The following CPNE9 variants were observed in gnomAD, a reference collection of about 807,000 sequenced individuals.
CPNE9 encodes the protein copine family member 9.
Under a neutral mutation model 83.0 loss-of-function variants are expected in CPNE9, and 59 were observed. The observed-to-expected ratio is 0.71, with a 90% confidence interval of 0.58 to 0.88. CPNE9 has a LOEUF of 0.88. CPNE9 is among the 40% of genes least tolerant of loss of function. The probability of loss-of-function intolerance (pLI) is 0.00; values close to 1 mark genes in which losing one functional copy is unlikely to be tolerated. For missense variants in CPNE9, 619 were observed against 720.8 expected, an observed-to-expected ratio of 0.86 and a Z score of 1.62; for synonymous variants, 256 against 273.4, an observed-to-expected ratio of 0.94 and a Z score of 0.63.
At chr3:9,727,274 A>G in intron 20 of CPNE9, 88 bp downstream of exon 20, 1 of 1,349,994 alleles carries the variant, frequency 7.4e-7, no homozygotes, top group South Asian at 1.2e-5. Context: ...CTGCCTTCTC[A>G]GTCTCCTACT....
intron 7 of CPNE9, among the ~76,000 whole-genome samples, chr3:9,706,568 T>C (rs2076566718): frequency 6.6e-6 from 1 of 152,238 alleles, no homozygotes; most frequent in Non-Finnish European, 1.5e-5. Flanking sequence ...ACAAAGGTTC[T>C]TGTCCTCAGG....
At position 9,704,734 on chromosome 3, in the gene CPNE9, C is replaced by G. The variant is rs1053600189; in HGVS notation, c.110-15C>G. On this transcript the variant is annotated splice_polypyrimidine_tract_variant and intron_variant, in intron 2 of 20. Transcript: ENST00000383832. This position sits in a 1 kb window ranked among gnomAD's most constrained non-coding sequence, Gnocchi z 7.1. ...AGCCGACCTGACGTCCTTCCCTCCC[C>G]GCCCCCACCTGCAGTGGTGGTGCTT... 2.5e-6 allele frequency: 4 copies of G among 1,612,418 alleles called. No individual in the cohort carries two copies. Among genetic ancestry groups the G allele is most frequent in the Non-Finnish European group, 3.4e-6 (4 of 1,179,634 alleles).
intron 4 of CPNE9, 29 bp from the exon 5 acceptor site, chr3:9,705,435 A>T: frequency 2.8e-6 from 1 of 355,488 alleles, no homozygotes; most frequent in Non-Finnish European, 4.3e-6. Flanking sequence ...ACCCAGCCCC[A>T]CCCCACACCG....
chr3:9,712,033 C>T (rs955769935), intron 7 of CPNE9, among the ~76,000 whole-genome samples: 1 of 152,144 alleles, frequency 6.6e-6, no homozygotes, highest in South Asian at 2.1e-4. Flanking sequence ...CTAGCAGAGC[C>T]GGAGAGAGCC....
At position 9,705,732 on chromosome 3, in the gene CPNE9, TG is replaced by T; in HGVS notation, c.300+16del. 6.2e-7 allele frequency: 1 copy of T among 1,610,148 alleles called. No homozygotes were observed. The highest frequency in any genetic ancestry group is 8.5e-7 in the Non-Finnish European group (1 of 1,176,508). ...GGGACCTGCAGAAGGTGAGGCTGAA[TG>T]GGGCTGGGCAGAGGTTGGGGGTGGG... On this transcript the variant is annotated intron_variant, in intron 6 of 20. Transcript: ENST00000383832.
intron 17 of CPNE9, among the ~76,000 whole-genome samples, chr3:9,720,920 C>T (rs1366745953): frequency 2.6e-5 from 4 of 152,284 alleles, no homozygotes; most frequent in African/African-American, 4.8e-5. Context: ...CCTCTCTGCG[C>T]CTTATTCCTC....
intron 10 of CPNE9, among the ~76,000 whole-genome samples, chr3:9,713,484 G>T (rs2076649845): frequency 6.6e-6 from 1 of 152,154 alleles, no homozygotes; most frequent in South Asian, 2.1e-4. Flanking sequence ...TGGACTGATG[G>T]GTGGGTTTGT....
rs200361798 is a variant in CPNE9, at chr3:9,729,539, G to A, written c.1509G>A (p.Ser503=). Residue 503 remains serine, a synonymous_variant, in exon 21 of 21, where the codon TCG becomes TCA. Coordinates refer to ENST00000383832, the MANE Select transcript of CPNE9 (RefSeq NM_153635.3). The part of the protein sequence containing the change: ...FVPFRDYVDR[S]GNQVLSMARL... Reference sequence around the variant, plus strand: ...CATTCCGAGACTATGTTGACCGGTCGGGGAACCAGGTGTTGAGCATGGCCC... The same window carrying A: ...CATTCCGAGACTATGTTGACCGGTCAGGGAACCAGGTGTTGAGCATGGCCC... 339 of 1,613,974 alleles carry A rather than the reference G, an allele frequency of 2.1e-4. 1 individual carries two copies. The highest frequency in any genetic ancestry group is 2.5e-4 in the Admixed American group (15 of 60,008).
At chr3:9,726,826 C>G in intron 19 of CPNE9, 104 bp downstream of exon 19, 1 of 1,042,072 alleles carries the variant, frequency 9.6e-7, no homozygotes, top group Admixed American at 1.9e-5. Context: ...AGGTAGACAC[C>G]CCCGTGTGAA....
intron 5 of CPNE9, 51 bp downstream of exon 5, chr3:9,705,551 ATG>A (rs1476637577): frequency 1.3e-6 from 2 of 1,599,706 alleles, no homozygotes; most frequent in African/African-American, 2.7e-5. Context: ...AGGCACTTAG[ATG>A]TGTTCAACGA....
At chr3:9,707,422 A>C (rs2076575840) in intron 7 of CPNE9, among the ~76,000 whole-genome samples, 1 of 151,680 alleles carries the variant, frequency 6.6e-6, no homozygotes, top group African/African-American at 2.4e-5. Context: ...GCCAATGAGA[A>C]GACTCTGACA....
At chr3:9,720,042 C>G (rs895544514) in intron 17 of CPNE9, among the ~76,000 whole-genome samples, 1 of 149,850 alleles carries the variant, frequency 6.7e-6, no homozygotes, top group Non-Finnish European at 1.5e-5. Context: ...CACACACAAA[C>G]CAAAGAAAAC....
At chr3:9,707,680 G>T (rs529107608) in intron 7 of CPNE9, among the ~76,000 whole-genome samples, 1 of 151,026 alleles carries the variant, frequency 6.6e-6, no homozygotes, top group African/African-American at 2.4e-5. Context: ...AGCTACTTGG[G>T]AGGCTGAGGT....
At chr3:9,725,840 C>T (rs1227230741) in intron 17 of CPNE9, 109 bp from the exon 18 acceptor site, 2 of 814,596 alleles carry the variant, frequency 2.5e-6, no homozygotes, top group East Asian at 2.5e-5. Context: ...GTTTCAGAAG[C>T]CCCAGTTCCT....
intron 4 of CPNE9, 39 bp from the exon 5 acceptor site, chr3:9,705,425 A>AC: frequency 2.1e-4 from 63 of 303,248 alleles, no homozygotes; most frequent in South Asian, 1.2e-3. Flanking sequence ...CCTCTCCCCC[A>AC]CCCAGCCCCA....
rs962413213 is a variant in CPNE9 at position 9,715,602 on chromosome 3, C to T, written c.822+76C>T. 10 of 1,280,290 alleles carry T rather than the reference C, an allele frequency of 7.8e-6. No individual in the cohort carries two copies. The African/African-American group carries it at 8.8e-5, about 11-fold the overall frequency. 79.3% of individuals were successfully genotyped at this position (1,280,290 alleles called of 1,614,324 possible). On this transcript the variant is annotated intron_variant, in intron 13 of 20. Coordinates refer to ENST00000383832, the MANE Select transcript of CPNE9 (RefSeq NM_153635.3). ...CCCATTGACACAGCATGGCAAATAT[C>T]GAGGGCAGGGCAAGACAGTGGGCAC...
rs374068971 is a variant in CPNE9, at chr3:9,715,544, C to T, written c.822+18C>T. The T allele has an allele frequency of 5.6e-6, 9 of 1,606,910 alleles. No individual in the cohort carries two copies. In the African/African-American group the frequency reaches 1.1e-4, roughly 19 times the overall value. Reference sequence around the variant, plus strand: ...CAGGAACTGTGAGTGCTCCCTAGAGCCGTGGCCCTCCCTGGATCCTTCCGT... The same window carrying T: ...CAGGAACTGTGAGTGCTCCCTAGAGTCGTGGCCCTCCCTGGATCCTTCCGT... On this transcript the variant is annotated intron_variant, in intron 13 of 20. Coordinates refer to ENST00000383832, the MANE Select transcript of CPNE9 (RefSeq NM_153635.3).
In CPNE9 at chr3:9,703,979, C is replaced by G. The variant is rs1486378798; in HGVS notation, c.-18C>G. 1 of 1,593,456 alleles carries G rather than the reference C, an allele frequency of 6.3e-7. No individual in the cohort carries two copies. Among genetic ancestry groups the G allele is most frequent in the East Asian group, 2.3e-5 (1 of 43,974 alleles). On this transcript the variant is annotated 5_prime_UTR_variant, in exon 1 of 21. Transcript: ENST00000383832. ...CCTGGTCTCGCAGCCTCCTGCGGCT[C>G]TGGTCGCCCGACCAGCCATGTCTCT...
At chr3:9,721,403 G>C (rs1303524448) in intron 17 of CPNE9, among the ~76,000 whole-genome samples, 1 of 152,180 alleles carries the variant, frequency 6.6e-6, no homozygotes, top group Non-Finnish European at 1.5e-5. Context: ...TTGCATCCCT[G>C]TTTAATTTAG....
Sources: allele counts gnomAD v4.1 joint callset (sites outside exome capture counted in the v4.1 genomes callset), GRCh38; gene constraint gnomAD v4.1.1; non-coding constraint Gnocchi (gnomAD v3.1); transcripts MANE v1.5; gene names NCBI Gene and HGNC (gene_info 2026-07-23, HGNC 2026-07-21).